The following NKAIN2 variants were observed in gnomAD, a reference collection of about 807,000 sequenced individuals.
The protein encoded by NKAIN2 is sodium/potassium-transporting ATPase subunit beta-1-interacting protein 2.
In NKAIN2, 14 loss-of-function variants were observed where a neutral mutation model predicts 32.6. That is an observed-to-expected ratio of 0.43 (90% CI 0.28 to 0.67). The LOEUF (loss-of-function observed/expected upper bound fraction) is 0.67, where lower values mean the gene tolerates loss of function less well. Among genes scored for constraint, NKAIN2 ranks in the 30% least tolerant of loss-of-function variants. NKAIN2 has a pLI of 0.17. For synonymous variants in NKAIN2, 80 were observed against 87.2 expected (o/e 0.92, Z 0.46); for missense variants, 198 against 258.3 (o/e 0.77, Z 1.60).
chr6:124,792,887 T>G (rs1456328570), intron 5 of NKAIN2, among the ~76,000 whole-genome samples: 1 of 152,018 alleles, frequency 6.6e-6, no homozygotes, highest in East Asian at 1.9e-4. Context: ...AGTTTGGGCT[T>G]TATATAATAA....
Position 124,408,515 on chromosome 6 carries a change from G to A in NKAIN2, c.273+53168G>A, listed in dbSNP as rs190665612. Among the ~76,000 whole-genome samples the A allele has an allele frequency of 3.3e-3, 495 of 152,210 alleles. 3 individuals are homozygous for A. Among genetic ancestry groups the A allele is most frequent in the East Asian group, 0.017 (87 of 5,174 alleles). On this transcript the variant is annotated intron_variant, in intron 3 of 6. Transcript: ENST00000368417. ...AAAGATCAGATAGTTGTAGATATGCGGCATTATTTCTGAGGGCTCTGTTCT... is the reference window on the plus strand; with the variant it reads ...AAAGATCAGATAGTTGTAGATATGCAGCATTATTTCTGAGGGCTCTGTTCT...
At chr6:124,779,338 AGG>A (rs1779152482) in intron 4 of NKAIN2, among the ~76,000 whole-genome samples, 1 of 139,144 alleles carries the variant, frequency 7.2e-6, no homozygotes, top group Non-Finnish European at 1.6e-5. Context: ...GAAGGAAGGA[AGG>A]AAGGAAGGAA....
chr6:124,518,325 A>G (rs986434777), intron 3 of NKAIN2, among the ~76,000 whole-genome samples: 6 of 151,950 alleles, frequency 3.9e-5, no homozygotes, highest in African/African-American at 1.4e-4. Context: ...AAGGAAAGCA[A>G]AAGAAAAAAA....
At chr6:124,705,058 C>T (rs1373686683) in intron 4 of NKAIN2, among the ~76,000 whole-genome samples, 3 of 151,844 alleles carry the variant, frequency 2.0e-5, no homozygotes, top group Non-Finnish European at 4.4e-5. Flanking sequence ...ATCCAATGGC[C>T]AAAAGCTCTT....
At chr6:124,614,112 G>A (rs1364526992) in intron 3 of NKAIN2, among the ~76,000 whole-genome samples, 1 of 152,042 alleles carries the variant, frequency 6.6e-6, no homozygotes, top group Non-Finnish European at 1.5e-5. Flanking sequence ...TGAATCATCT[G>A]ACTGGGCACG....
intron 1 of NKAIN2, among the ~76,000 whole-genome samples, chr6:124,057,363 A>G (rs1303535474): frequency 6.6e-6 from 1 of 152,110 alleles, no homozygotes; most frequent in African/African-American, 2.4e-5. Flanking sequence ...TTGAATGCAC[A>G]ACTTAAATCC....
At chr6:123,999,346 G>A (rs889139125) in intron 1 of NKAIN2, among the ~76,000 whole-genome samples, 9 of 152,102 alleles carry the variant, frequency 5.9e-5, no homozygotes, top group African/African-American at 2.2e-4. Flanking sequence ...TGTGTCTGGG[G>A]TCAGCTTGCC....
intron 1 of NKAIN2, among the ~76,000 whole-genome samples, chr6:124,237,417 A>T (rs1792832847): frequency 6.6e-6 from 1 of 152,120 alleles, no homozygotes; most frequent in Non-Finnish European, 1.5e-5. Context: ...TCTGGAATTT[A>T]TCAAGAAATG....
chr6:124,346,586 T>C (rs1444892772), intron 2 of NKAIN2, among the ~76,000 whole-genome samples: 1 of 152,138 alleles, frequency 6.6e-6, no homozygotes, highest in African/African-American at 2.4e-5. Context: ...TACCATTATG[T>C]AATGGCCTTC....
At chr6:124,158,130 G>A (rs1465387770) in intron 1 of NKAIN2, among the ~76,000 whole-genome samples, 1 of 152,146 alleles carries the variant, frequency 6.6e-6, no homozygotes, top group Non-Finnish European at 1.5e-5. Flanking sequence ...TTTTCTCACA[G>A]TTCAAATGTC....
At chr6:124,252,337 A>G (rs1793724917) in intron 1 of NKAIN2, among the ~76,000 whole-genome samples, 1 of 152,090 alleles carries the variant, frequency 6.6e-6, no homozygotes, top group South Asian at 2.1e-4. Context: ...ACTATGAATC[A>G]TTTCTGTAAT....
At chr6:124,402,349 A>T (rs1773659923) in intron 3 of NKAIN2, among the ~76,000 whole-genome samples, 1 of 152,172 alleles carries the variant, frequency 6.6e-6, no homozygotes, top group Non-Finnish European at 1.5e-5. Flanking sequence ...CTGTATGCAT[A>T]TTTGACTGCC....
chr6:123,942,464 A>G (rs978588259), intron 1 of NKAIN2, among the ~76,000 whole-genome samples: 3 of 152,028 alleles, frequency 2.0e-5, no homozygotes, highest in African/African-American at 7.2e-5. Context: ...CTAATGAGGT[A>G]CTGTTGGAGA....
intron 1 of NKAIN2, among the ~76,000 whole-genome samples, chr6:124,060,748 A>G (rs928268896): frequency 3.3e-5 from 5 of 152,182 alleles, no homozygotes; most frequent in Non-Finnish European, 7.3e-5. Flanking sequence ...TTTCATCGTC[A>G]GTGTTTAATT....
At chr6:124,546,107 T>C (rs994310632) in intron 3 of NKAIN2, among the ~76,000 whole-genome samples, 2 of 152,194 alleles carry the variant, frequency 1.3e-5, no homozygotes, top group Non-Finnish European at 1.5e-5. Flanking sequence ...CAAAAAATAA[T>C]ATATGGACTA....
chr6:124,163,046 T>C (rs1165033950), intron 1 of NKAIN2, among the ~76,000 whole-genome samples: 2 of 152,096 alleles, frequency 1.3e-5, no homozygotes, highest in Non-Finnish European at 2.9e-5. Context: ...GTTTATCATA[T>C]TTATACATCA....
chr6:124,102,807 A>C (rs1582647137), intron 1 of NKAIN2, among the ~76,000 whole-genome samples: 1 of 152,218 alleles, frequency 6.6e-6, no homozygotes, highest in East Asian at 1.9e-4. Context: ...TAGTCTCTAA[A>C]TGTTTCAAAT....
intron 1 of NKAIN2, among the ~76,000 whole-genome samples, chr6:124,150,010 T>G (rs1562386988): frequency 6.6e-6 from 1 of 152,150 alleles, no homozygotes; most frequent in Non-Finnish European, 1.5e-5. Context: ...TCCTGGTCAA[T>G]ATAAGTAAAC....
chr6:123,851,438 A>T (rs765524187), intron 1 of NKAIN2, among the ~76,000 whole-genome samples: 43 of 151,798 alleles, frequency 2.8e-4, no homozygotes, highest in Admixed American at 6.6e-4. Context: ...TTTAGTCAAG[A>T]TGGGGTTTCA....
Sources: allele counts gnomAD v4.1 joint callset (sites outside exome capture counted in the v4.1 genomes callset), GRCh38; gene constraint gnomAD v4.1.1; transcripts MANE v1.5; gene names NCBI Gene and HGNC (gene_info 2026-07-23, HGNC 2026-07-21).